Variants in HIVEP3 observed in about 807,000 individuals in gnomAD.
The protein encoded by HIVEP3 is HIVEP zinc finger 3.
HIVEP3 carries 49 observed loss-of-function variants against 152.8 expected under a neutral mutation model. The observed-to-expected ratio is 0.32, with a 90% CI of 0.26 to 0.41. HIVEP3 has a LOEUF of 0.41. Among genes scored for constraint, HIVEP3 ranks in the 10% least tolerant of loss-of-function variants. The pLI is 1.00. For synonymous variants in HIVEP3, 1,269 were observed against 1,289.0 expected, an observed-to-expected ratio of 0.98 and a Z score of 0.33; for missense variants, 2,790 against 3,103.3, an observed-to-expected ratio of 0.90 and a Z score of 2.40.
In HIVEP3 at chr1:41,582,805, A is replaced by G; in HGVS notation, c.1993T>C (p.Tyr665His). 6.2e-7 allele frequency: 1 copy of G among 1,614,184 alleles called. No individual in the cohort carries two copies. Among genetic ancestry groups the G allele is most frequent in the Non-Finnish European group, 8.5e-7 (1 of 1,180,040 alleles). Residue 665 changes from tyrosine (Y) to histidine (H), a missense_variant, in exon 4 of 9, where the codon TAC becomes CAC. Physicochemically the swap from Tyr to His is moderately conservative, Grantham distance 83. This residue lies in a region of HIVEP3 where 339 missense variants were observed against 327.0 expected (regional missense o/e 1.04). Coordinates refer to ENST00000372583, the MANE Select transcript of HIVEP3 (RefSeq NM_024503.5). This position sits in a 1 kb window ranked among gnomAD's most constrained non-coding sequence, Gnocchi z 4.7. ...TTTGCGATCTGAAGCTCTGAGCAGT[A>G]GTATTTTTTGTGGGCTTCGTAGTTA... ...RDNYEAHKKY[Y>H]CSELQIAKPI... is the part of the protein sequence containing the mutation.
At chr1:41,708,928 T>G (rs1570365662) in intron 1 of HIVEP3, among the ~76,000 whole-genome samples, 1 of 152,224 alleles carries the variant, frequency 6.6e-6, no homozygotes, top group South Asian at 2.1e-4. Flanking sequence ...CATTTTCCAG[T>G]GATTGGCTCA....
chr1:42,025,591 C>G (rs932030876), intron 1 of HIVEP3, among the ~76,000 whole-genome samples: 2 of 152,196 alleles, frequency 1.3e-5, no homozygotes, highest in Non-Finnish European at 2.9e-5. Flanking sequence ...GACTGTACTG[C>G]TCATTGACCC....
intron 2 of HIVEP3, among the ~76,000 whole-genome samples, chr1:41,633,393 C>G (rs1645224666): frequency 1.3e-5 from 2 of 152,204 alleles, no homozygotes; most frequent in African/African-American, 4.8e-5. Context: ...TTGCTCAGAG[C>G]TCCTCCATGG....
chr1:41,513,511 C>CT lies in HIVEP3; in HGVS notation c.5709dup (p.Asp1904ArgfsTer19). Reference sequence around the variant, plus strand: ...GCCTCCGTGCCAGAGGCGGGGGCATCTGGGGGCTGAGGGCCCAGGATGGGT... The same window carrying CT: ...GCCTCCGTGCCAGAGGCGGGGGCATCTTGGGGGCTGAGGGCCCAGGATGGGT... On this transcript the variant is annotated frameshift_variant, in exon 8 of 9. Transcript: ENST00000372583. LOFTEE classifies it high-confidence loss of function. The CT allele has an allele frequency of 1.2e-6, 2 of 1,604,728 alleles. No homozygotes were observed. Among genetic ancestry groups the CT allele is most frequent in the Non-Finnish European group, 1.7e-6 (2 of 1,175,990 alleles).
In HIVEP3 at chr1:41,792,396, C is replaced by T. The variant is rs115092719; in HGVS notation, c.-800-91401G>A. On this transcript the variant is annotated intron_variant, in intron 1 of 8. Transcript: ENST00000372583. ...TGGGTGGGTAAATGAATGTGCAACT[C>T]AACCTCCCTTCAAGCTTCTCTCTCT... is the stretch of plus-strand genomic sequence containing the variant. Among the ~76,000 whole-genome samples the T allele has an allele frequency of 4.2e-3, 636 of 152,328 alleles. 4 individuals carry two copies. The highest frequency in any genetic ancestry group is 0.014 in the African/African-American group (599 of 41,566).
chr1:41,539,178 C>T (rs1359254223), intron 5 of HIVEP3, among the ~76,000 whole-genome samples: 1 of 152,104 alleles, frequency 6.6e-6, no homozygotes, highest in Admixed American at 6.5e-5. Context: ...AGGTGGATCC[C>T]GTCCACACCC....
At position 41,583,386 on chromosome 1, in the gene HIVEP3, A is replaced by ATGGTGATGAGCT; in HGVS notation, c.1400_1411dup (p.Lys467_Thr470dup). ...GCTGGTGTCCACCACGGCCTCGTTGATGGTGATGAGCTTCGTGATGTGCTC... is the reference window on the plus strand; with the variant it reads ...GCTGGTGTCCACCACGGCCTCGTTGATGGTGATGAGCTTGGTGATGAGCTTCGTGATGTGCTC... On this transcript the variant is annotated inframe_insertion, in exon 4 of 9. Coordinates refer to ENST00000372583, the MANE Select transcript of HIVEP3 (RefSeq NM_024503.5). The surrounding 1 kb of genome is among the most constrained non-coding windows in gnomAD (Gnocchi z 6.9). 1.2e-6 allele frequency: 2 copies of ATGGTGATGAGCT among 1,613,596 alleles called. No individual in the cohort carries two copies. Among genetic ancestry groups the ATGGTGATGAGCT allele is most frequent in the Non-Finnish European group, 1.7e-6 (2 of 1,179,810 alleles).
chr1:41,782,480 TC>T (rs1320381645), intron 1 of HIVEP3, among the ~76,000 whole-genome samples: 1 of 152,156 alleles, frequency 6.6e-6, no homozygotes, highest in Non-Finnish European at 1.5e-5. Flanking sequence ...ACACCTGTAA[TC>T]CCAGCACTTT....
chr1:41,995,159 G>C (rs1230386311), intron 1 of HIVEP3, among the ~76,000 whole-genome samples: 1 of 151,852 alleles, frequency 6.6e-6, no homozygotes, highest in African/African-American at 2.4e-5. Context: ...CGAGTACCCA[G>C]TGAAAGGCCC....
Position 42,021,640 on chromosome 1 carries a change from A to G in HIVEP3, n.119+14167T>C, listed in dbSNP as rs79031513. The stretch of plus-strand genomic sequence containing the variant: ...TTAGGAGTCATGTGCAAACAGATAC[A>G]TCATACCACAAGACTGAATTCATTC... On this transcript the variant is annotated intron_variant and non_coding_transcript_variant, in intron 1 of 3. Transcript: ENST00000489103. 7.4e-3 allele frequency among the ~76,000 whole-genome samples: 1,133 copies of G among 152,292 alleles called. 13 individuals carry two copies. The highest frequency in any genetic ancestry group is 0.026 in the African/African-American group (1,097 of 41,570).
chr1:41,744,163 C>T (rs1647036565), intron 1 of HIVEP3, among the ~76,000 whole-genome samples: 1 of 152,142 alleles, frequency 6.6e-6, no homozygotes, highest in Admixed American at 6.5e-5. Flanking sequence ...CTCAACCTCC[C>T]AAGTAGCTGG....
chr1:41,667,016 G>A (rs574747967), intron 2 of HIVEP3, among the ~76,000 whole-genome samples: 1 of 152,226 alleles, frequency 6.6e-6, no homozygotes, highest in African/African-American at 2.4e-5. Flanking sequence ...AGCCTTCCAG[G>A]CCAGCTCAGA....
At chr1:41,647,868 TG>T (rs1280382356) in intron 2 of HIVEP3, among the ~76,000 whole-genome samples, 1 of 152,244 alleles carries the variant, frequency 6.6e-6, no homozygotes, top group Non-Finnish European at 1.5e-5. Context: ...TGTTCTGATC[TG>T]GCCCCCTCCT....
chr1:41,990,529 T>TA (rs1462516331), intron 1 of HIVEP3, among the ~76,000 whole-genome samples: 1 of 140,220 alleles, frequency 7.1e-6, no homozygotes, highest in Non-Finnish European at 1.5e-5. Context: ...CAAAGAGACT[T>TA]AGACTCCCAC....
chr1:41,736,928 A>G (rs1256679419), intron 1 of HIVEP3, among the ~76,000 whole-genome samples: 1 of 152,156 alleles, frequency 6.6e-6, no homozygotes, highest in African/African-American at 2.4e-5. Context: ...CCAGGGCACT[A>G]TAGTCACTCC....
At chr1:41,779,872 G>A (rs148916776) in intron 1 of HIVEP3, among the ~76,000 whole-genome samples, 2 of 152,188 alleles carry the variant, frequency 1.3e-5, no homozygotes, top group African/African-American at 2.4e-5. Flanking sequence ...AAGGGCACAG[G>A]CTTTGGGGTC....
intron 2 of HIVEP3, among the ~76,000 whole-genome samples, chr1:41,654,385 A>G (rs1298155550): frequency 6.6e-6 from 1 of 152,208 alleles, no homozygotes; most frequent in Non-Finnish European, 1.5e-5. Context: ...TAATTACTTA[A>G]TGACTCTTTA....
At chr1:41,827,255 C>T (rs1204895391) in intron 1 of HIVEP3, among the ~76,000 whole-genome samples, 1 of 152,184 alleles carries the variant, frequency 6.6e-6, no homozygotes, top group Non-Finnish European at 1.5e-5. Context: ...CCATAGTCAC[C>T]AACAGTACCT....
intron 3 of HIVEP3, among the ~76,000 whole-genome samples, chr1:41,589,933 G>A (rs1644562299): frequency 6.6e-6 from 1 of 152,176 alleles, no homozygotes; most frequent in Admixed American, 6.5e-5. Flanking sequence ...TTTAATACCT[G>A]GGAACCCAGG....
Sources: allele counts gnomAD v4.1 joint callset (sites outside exome capture counted in the v4.1 genomes callset), GRCh38; gene constraint gnomAD v4.1.1; regional missense constraint gnomAD v4.1.1; non-coding constraint Gnocchi (gnomAD v3.1); transcripts MANE v1.5; gene names NCBI Gene and HGNC (gene_info 2026-07-23, HGNC 2026-07-21).